AGPAT5: variants seen among roughly 807,000 people sequenced by gnomAD.
AGPAT5 encodes the protein 1-acyl-sn-glycerol-3-phosphate acyltransferase epsilon.
A neutral mutation model predicts 45.6 loss-of-function variants in AGPAT5; 46 were observed. The observed-to-expected ratio is 1.01, with a 90% CI of 0.80 to 1.29. The LOEUF (loss-of-function observed/expected upper bound fraction) is 1.29. AGPAT5 is among the 50% of genes most tolerant of loss of function. AGPAT5 has a pLI of 0.00. For synonymous variants in AGPAT5, 272 were observed against 167.0 expected (o/e 1.63, Z -4.85); for missense variants, 673 against 450.7 (o/e 1.49, Z -4.47).
chr8:6,709,366 C>G (rs992687122), intron 1 of AGPAT5: 1 of 169,158 alleles, frequency 5.9e-6, no homozygotes, highest in Admixed American at 5.8e-5. Flanking sequence ...GAAATGAATA[C>G]ATTTGTTAAC....
intron 4 of AGPAT5, among the ~76,000 whole-genome samples, chr8:6,732,868 T>C (rs1032819609): frequency 4.6e-5 from 7 of 152,198 alleles, no homozygotes; most frequent in Non-Finnish European, 1.0e-4. Flanking sequence ...TGCTGGTCAG[T>C]GGACCTTAAA....
intron 5 of AGPAT5, among the ~76,000 whole-genome samples, chr8:6,743,323 C>T (rs923031553): frequency 3.3e-5 from 5 of 152,320 alleles, no homozygotes; most frequent in Admixed American, 1.3e-4. Context: ...AGCTTCCTCC[C>T]CTCCATGTCT....
At chr8:6,740,893 A>T (rs1346971248) in intron 4 of AGPAT5, among the ~76,000 whole-genome samples, 1 of 152,072 alleles carries the variant, frequency 6.6e-6, no homozygotes, top group Admixed American at 6.5e-5. Flanking sequence ...GGTGTGCATA[A>T]CTTATTTTTG....
At chr8:6,728,939 A>G (rs1010251953) in intron 2 of AGPAT5, among the ~76,000 whole-genome samples, 2 of 152,236 alleles carry the variant, frequency 1.3e-5, no homozygotes, top group Admixed American at 6.5e-5. Flanking sequence ...TGATAGCCCA[A>G]TAGTATAGAT....
At chr8:6,733,425 G>A (rs914264010) in intron 4 of AGPAT5, among the ~76,000 whole-genome samples, 13 of 152,324 alleles carry the variant, frequency 8.5e-5, no homozygotes, top group Non-Finnish European at 1.6e-4. Context: ...ACGGTCAGCT[G>A]GCGAAGTGCC....
At chr8:6,728,994 C>T (rs532996801) in intron 2 of AGPAT5, among the ~76,000 whole-genome samples, 11 of 152,170 alleles carry the variant, frequency 7.2e-5, no homozygotes, top group Non-Finnish European at 1.5e-4. Flanking sequence ...TGGGATCATA[C>T]ACTGTAGGGG....
chr8:6,709,090 C>T (rs539120839), intron 1 of AGPAT5: 2 of 654,238 alleles, frequency 3.1e-6, no homozygotes, highest in South Asian at 1.8e-5. Context: ...GTGGCTGCGT[C>T]GTCCTGAGGC....
intron 1 of AGPAT5, among the ~76,000 whole-genome samples, chr8:6,716,477 C>G (rs993547880): frequency 2.6e-5 from 4 of 151,982 alleles, no homozygotes; most frequent in Non-Finnish European, 4.4e-5. Context: ...GGGAGAATCA[C>G]TTGAACATGG....
intron 3 of AGPAT5, among the ~76,000 whole-genome samples, chr8:6,731,644 C>T (rs1587026581): frequency 6.6e-6 from 1 of 150,960 alleles, no homozygotes; most frequent in Non-Finnish European, 1.5e-5. Context: ...AGCAAAAATG[C>T]AAATGTACAA....
chr8:6,713,217 G>C (rs1260246182), intron 1 of AGPAT5, among the ~76,000 whole-genome samples: 2 of 152,160 alleles, frequency 1.3e-5, no homozygotes, highest in African/African-American at 4.8e-5. Context: ...TGATCCTTCT[G>C]CCTTGGCCTC....
At chr8:6,731,809 C>T (rs998045915) in intron 3 of AGPAT5, among the ~76,000 whole-genome samples, 1 of 152,068 alleles carries the variant, frequency 6.6e-6, no homozygotes, top group East Asian at 1.9e-4. Flanking sequence ...GCTAGACATC[C>T]AAGATCAAGG....
At chr8:6,741,794 T>C (rs1315084263) in intron 5 of AGPAT5, 43 bp downstream of exon 5, 2 of 1,457,412 alleles carry the variant, frequency 1.4e-6, no homozygotes, top group African/African-American at 2.8e-5. Context: ...TTTTCAAAGA[T>C]AATAACATTT....
chr8:6,728,612 A>G (rs1279547652), intron 2 of AGPAT5, among the ~76,000 whole-genome samples: 1 of 152,218 alleles, frequency 6.6e-6, no homozygotes, highest in Non-Finnish European at 1.5e-5. Context: ...AATAAAACCC[A>G]TTTTTAAAAT....
chr8:6,709,050 C>G (rs777027450), intron 1 of AGPAT5, 163 bp downstream of exon 1: 20 of 758,950 alleles, frequency 2.6e-5, no homozygotes, highest in African/African-American at 1.2e-4. Flanking sequence ...TGCTTCCTGC[C>G]GTTCTGCCGA....
chr8:6,725,298 T>C (rs1563288121), intron 2 of AGPAT5, among the ~76,000 whole-genome samples: 1 of 152,228 alleles, frequency 6.6e-6, no homozygotes, highest in Admixed American at 6.5e-5. Context: ...ACATTTTTGA[T>C]TGCTAAGCTG....
chr8:6,733,824 C>T (rs1353101825), intron 4 of AGPAT5, among the ~76,000 whole-genome samples: 2 of 152,218 alleles, frequency 1.3e-5, no homozygotes, highest in African/African-American at 4.8e-5. Context: ...CCTTCTGTGT[C>T]CTGCTGTGGG....
intron 1 of AGPAT5, 83 bp from the exon 2 acceptor site, chr8:6,724,787 G>T: frequency 4.8e-6 from 2 of 415,774 alleles, no homozygotes; most frequent in Non-Finnish European, 4.3e-6. Context: ...AACATCATTC[G>T]TCAGTTTCTT....
At chr8:6,750,948 T>C (rs186782467) in intron 6 of AGPAT5, among the ~76,000 whole-genome samples, 1 of 152,354 alleles carries the variant, frequency 6.6e-6, no homozygotes, top group Non-Finnish European at 1.5e-5. Flanking sequence ...TCAACATGTA[T>C]ACGTGTGCAC....
At chr8:6,738,546 G>T (rs985761820) in intron 4 of AGPAT5, 1 of 152,162 alleles carries the variant, frequency 6.6e-6, no homozygotes, top group Non-Finnish European at 1.5e-5. Context: ...ACACAGAGAC[G>T]TGAGGTGAGC....
Sources: allele counts gnomAD v4.1 joint callset (sites outside exome capture counted in the v4.1 genomes callset), GRCh38; gene constraint gnomAD v4.1.1; transcripts MANE v1.5; gene names NCBI Gene and HGNC (gene_info 2026-07-23, HGNC 2026-07-21).